The following CNOT9 variants were observed in gnomAD, a reference collection of about 807,000 sequenced individuals.
CNOT9 encodes the protein CCR4-NOT transcription complex subunit 9.
CNOT9 carries 8 observed loss-of-function variants against 37.4 expected under a neutral mutation model. The ratio of observed to expected loss-of-function variants is 0.21; its 90% confidence interval spans 0.13 to 0.39. The LOEUF (loss-of-function observed/expected upper bound fraction) is 0.39, where lower values mean the gene tolerates loss of function less well. Ranked by LOEUF, CNOT9 falls within the 10% of genes least tolerant of loss-of-function variation. CNOT9 has a pLI of 1.00. For missense variants in CNOT9, 154 were observed against 365.3 expected (o/e 0.42, Z 4.71); for synonymous variants, 120 against 137.6 (o/e 0.87, Z 0.90).
intron 1 of CNOT9, 150 bp downstream of exon 1, chr2:218,569,128 T>C: frequency 1.2e-6 from 1 of 823,232 alleles, no homozygotes; most frequent in South Asian, 1.8e-5. Context: ...CGGCACGCTT[T>C]GGTTGTGGTG....
chr2:218,589,965 C>T (rs1694719982), intron 5 of CNOT9, among the ~76,000 whole-genome samples: 1 of 152,044 alleles, frequency 6.6e-6, no homozygotes, highest in Non-Finnish European at 1.5e-5. Flanking sequence ...AAGTTGGATT[C>T]GTGGTTAGCT....
chr2:218,585,488 G>T (rs953054773), intron 4 of CNOT9, among the ~76,000 whole-genome samples: 10 of 151,158 alleles, frequency 6.6e-5, no homozygotes, highest in Middle Eastern at 3.4e-3. Flanking sequence ...CAGGAGAATC[G>T]CTTGAACCTG....
intron 5 of CNOT9, among the ~76,000 whole-genome samples, chr2:218,591,470 G>A (rs1694773063): frequency 6.6e-6 from 1 of 152,166 alleles, no homozygotes; most frequent in Admixed American, 6.5e-5. Flanking sequence ...TCAGCCGAGT[G>A]CAGTGGCTCA....
At chr2:218,593,585 G>A (rs1325488990) in intron 7 of CNOT9, 61 of 1,497,846 alleles carry the variant, frequency 4.1e-5, no homozygotes, top group South Asian at 1.2e-4. Context: ...ACGTTTAAAA[G>A]TTCATCTGAT....
At position 218,594,132 on chromosome 2, in the gene CNOT9, C is replaced by T. The variant is rs1694862208; in HGVS notation, c.756C>T (p.Cys252=). Residue 252 remains cysteine, a synonymous_variant, in exon 8 of 8, where the codon TGC becomes TGT. Transcript: ENST00000273064. The part of the protein sequence containing the change: ...NPRAREALRQ[C]LPDQLKDTTF... ...GGGCACGTGAAGCACTCAGACAGTG[C>T]CTCCCTGACCAGCTGAAAGACACAA... The T allele has an allele frequency of 1.2e-6, 2 of 1,614,068 alleles. No homozygotes were observed. Among genetic ancestry groups the T allele is most frequent in the Middle Eastern group, 1.6e-4 (1 of 6,084 alleles).
In CNOT9 at chr2:218,592,241, G is replaced by A. The variant is rs1694804326; in HGVS notation, c.541-63G>A. The A allele has an allele frequency of 8.1e-7, 1 of 1,232,496 alleles. No homozygotes were observed. The highest frequency in any genetic ancestry group is 1.3e-5 in the South Asian group (1 of 79,234). The allele number at this position is 1,232,496 out of a possible 1,614,324, so 76.3% of individuals were successfully genotyped here. On this transcript the variant is annotated intron_variant, in intron 5 of 7. Coordinates refer to ENST00000273064, the MANE Select transcript of CNOT9 (RefSeq NM_005444.3). The surrounding 1 kb of genome is among the most constrained non-coding windows in gnomAD (Gnocchi z 4.1). ...CTGATAGTCATGCCTGGGAAAATGA[G>A]TAGAAAATGAGAAGATTAAATCTGA... is the stretch of plus-strand genomic sequence containing the variant.
intron 7 of CNOT9, 112 bp from the exon 8 acceptor site, chr2:218,593,996 A>G: frequency 1.8e-6 from 2 of 1,138,296 alleles, no homozygotes; most frequent in South Asian, 1.5e-5. Context: ...TTAAGGAGCC[A>G]TAGATTCACA....
intron 3 of CNOT9, among the ~76,000 whole-genome samples, chr2:218,584,208 C>T (rs187779439): frequency 6.6e-6 from 1 of 152,240 alleles, no homozygotes; most frequent in East Asian, 1.9e-4. Context: ...GTTTTCTTAA[C>T]CACTGTGATC....
At position 218,596,782 on chromosome 2, in the gene CNOT9, A is replaced by G. The variant is rs1412034947; in HGVS notation, c.*2506A>G. 1 of 152,208 alleles carries G rather than the reference A, an allele frequency of 6.6e-6. No individual in the cohort carries two copies. Among genetic ancestry groups the G allele is most frequent in the Non-Finnish European group, 1.5e-5 (1 of 68,034 alleles). The allele number at this position is 152,208 out of a possible 1,614,324, so 9.4% of individuals were successfully genotyped here. On this transcript the variant is annotated 3_prime_UTR_variant, in exon 8 of 8. Transcript: ENST00000273064. Reference sequence around the variant, plus strand: ...ATAGTGACAAGGTAATGCTTGAAACATCTTACGAACTTTGATGTTCATTTC... The same window carrying G: ...ATAGTGACAAGGTAATGCTTGAAACGTCTTACGAACTTTGATGTTCATTTC...
intron 2 of CNOT9, among the ~76,000 whole-genome samples, chr2:218,581,665 A>G (rs560271224): frequency 2.0e-5 from 3 of 152,196 alleles, no homozygotes; most frequent in Non-Finnish European, 4.4e-5. Context: ...CCAAATTCCT[A>G]ACAATTAGAT....
chr2:218,580,637 C>T lies in CNOT9; in HGVS notation c.101C>T (p.Thr34Ile). 1 of 1,614,034 alleles carries T rather than the reference C, an allele frequency of 6.2e-7. No individual in the cohort carries two copies. The highest frequency in any genetic ancestry group is 8.5e-7 in the Non-Finnish European group (1 of 1,179,914). Residue 34 changes from threonine to isoleucine, a missense_variant, in exon 2 of 8, where the codon ACT becomes ATT. By Grantham distance (89) the Thr-to-Ile change is moderately conservative. This residue lies in a region of CNOT9 where 37 missense variants were observed against 39.9 expected (regional missense o/e 0.93). Transcript: ENST00000273064. ...QWINELSSPE[T>I]RENALLELSK... ...ATCAATGAGCTGTCCAGTCCTGAGA[C>T]TAGGGAAAATGCTTTGCTGGAGCTA... is the stretch of plus-strand genomic sequence containing the variant.
intron 1 of CNOT9, chr2:218,574,201 C>A (rs953729873): frequency 7.9e-6 from 2 of 252,610 alleles, no homozygotes; most frequent in Non-Finnish European, 1.6e-5. Context: ...AGTGATCCAC[C>A]AGCCTCAGCC....
intron 1 of CNOT9, among the ~76,000 whole-genome samples, chr2:218,579,779 G>T (rs1694305876): frequency 6.6e-6 from 1 of 151,814 alleles, no homozygotes; most frequent in African/African-American, 2.4e-5. Context: ...GAGCCACCAC[G>T]CCTGGCCCAG....
intron 1 of CNOT9, among the ~76,000 whole-genome samples, chr2:218,579,596 C>T (rs1042030182): frequency 1.3e-5 from 2 of 152,008 alleles, no homozygotes; most frequent in African/African-American, 4.8e-5. Flanking sequence ...ACACCATTCT[C>T]CTGCCTCAGC....
Position 218,587,724 on chromosome 2 carries a change from T to G in CNOT9, c.540+29T>G, listed in dbSNP as rs772898320. The G allele has an allele frequency of 8.4e-6, 11 of 1,305,302 alleles. No homozygotes were observed. The South Asian group carries it at 1.5e-4, about 18-fold the overall frequency. The allele number at this position is 1,305,302 out of a possible 1,614,324, so 80.9% of individuals were successfully genotyped here. On this transcript the variant is annotated intron_variant, in intron 5 of 7. Transcript: ENST00000273064. The stretch of plus-strand genomic sequence containing the variant: ...TGTACTTTTAACTTAGATTTTACAT[T>G]GTGTTGACTCTTAAGCTGCTTCCTT...
At position 218,581,698 on chromosome 2, in the gene CNOT9, A is replaced by G. The variant is rs536068655; in HGVS notation, c.204+958A>G. Reference sequence around the variant, plus strand: ...GATTAACTTTTCAACTCTTAAGTAAATTCACATTCCATCTCTATTGCATTT... The same window carrying G: ...GATTAACTTTTCAACTCTTAAGTAAGTTCACATTCCATCTCTATTGCATTT... On this transcript the variant is annotated intron_variant, in intron 2 of 7. Coordinates refer to ENST00000273064, the MANE Select transcript of CNOT9 (RefSeq NM_005444.3). Among the ~76,000 whole-genome samples, 5 of 152,316 alleles carry G rather than the reference A, an allele frequency of 3.3e-5. No homozygotes were observed. The South Asian group carries it at 6.2e-4, about 19-fold the overall frequency.
At chr2:218,591,877 C>G (rs746409359) in intron 5 of CNOT9, among the ~76,000 whole-genome samples, 1 of 152,196 alleles carries the variant, frequency 6.6e-6, no homozygotes, top group Admixed American at 6.5e-5. Context: ...TGGATCTCAG[C>G]TGTGCCATAG....
chr2:218,571,534 C>T (rs1173078130), intron 1 of CNOT9, among the ~76,000 whole-genome samples: 1 of 150,292 alleles, frequency 6.7e-6, no homozygotes, highest in Non-Finnish European at 1.5e-5. Flanking sequence ...CTTGAGTAGT[C>T]GTATGCTAGA....
At chr2:218,593,354 A>G (rs1694843342) in intron 7 of CNOT9, among the ~76,000 whole-genome samples, 2 of 152,210 alleles carry the variant, frequency 1.3e-5, no homozygotes, top group African/African-American at 4.8e-5. Context: ...AGTTTATTCA[A>G]GCCCTACCTG....
Sources: allele counts gnomAD v4.1 joint callset (sites outside exome capture counted in the v4.1 genomes callset), GRCh38; gene constraint gnomAD v4.1.1; regional missense constraint gnomAD v4.1.1; non-coding constraint Gnocchi (gnomAD v3.1); transcripts MANE v1.5; gene names NCBI Gene and HGNC (gene_info 2026-07-23, HGNC 2026-07-21).